The following BBS9 variants were observed in gnomAD, a reference collection of about 807,000 sequenced individuals.
BBS9 encodes the protein protein PTHB1.
BBS9 carries 89 observed loss-of-function variants against 117.7 expected under a neutral mutation model. The observed-to-expected ratio is 0.76, with a 90% CI of 0.64 to 0.90. The LOEUF (loss-of-function observed/expected upper bound fraction) is 0.90. Ranked by LOEUF, BBS9 falls within the 40% of genes least tolerant of loss-of-function variation. The probability of loss-of-function intolerance (pLI) is 0.00; values close to 1 mark genes in which losing one functional copy is unlikely to be tolerated. For missense variants in BBS9, 982 were observed against 1,042.2 expected, an observed-to-expected ratio of 0.94 and a Z score of 0.80; for synonymous variants, 379 against 370.9, an observed-to-expected ratio of 1.02 and a Z score of -0.25.
intron 19 of BBS9, among the ~76,000 whole-genome samples, chr7:33,405,978 AT>A: frequency 6.6e-6 from 1 of 151,972 alleles, no homozygotes; most frequent in Admixed American, 6.5e-5. Context: ...TCTTGTGGGC[AT>A]TTAGTGCTAT....
chr7:33,506,154 G>A (rs1044054017), intron 20 of BBS9, among the ~76,000 whole-genome samples: 3 of 152,130 alleles, frequency 2.0e-5, no homozygotes, highest in African/African-American at 7.2e-5. Context: ...CCTAGCATAG[G>A]CAGTTTAGAA....
intron 21 of BBS9, among the ~76,000 whole-genome samples, chr7:33,535,841 G>A (rs1585165990): frequency 6.6e-6 from 1 of 152,050 alleles, no homozygotes; most frequent in African/African-American, 2.4e-5. Context: ...GGATGGGATG[G>A]CCCATCTGAT....
intron 19 of BBS9, among the ~76,000 whole-genome samples, chr7:33,476,911 A>G (rs73317065): frequency 0.11 from 16,809 of 152,230 alleles, 968 homozygotes; most frequent in South Asian, 0.18. Context: ...TTGATATCAG[A>G]TATCTTGTTA....
chr7:33,294,022 T>C (rs1457523134), intron 9 of BBS9, among the ~76,000 whole-genome samples: 1 of 152,096 alleles, frequency 6.6e-6, no homozygotes, highest in Non-Finnish European at 1.5e-5. Context: ...TCCATTTCTC[T>C]CAGAAGAGCC....
chr7:33,134,400 A>G (rs916936774), intron 1 of BBS9, among the ~76,000 whole-genome samples: 1 of 151,458 alleles, frequency 6.6e-6, no homozygotes, highest in Non-Finnish European at 1.5e-5. Context: ...GGCCATTTGT[A>G]TATCTTACTT....
At chr7:33,512,414 T>TA (rs1014406372) in intron 20 of BBS9, among the ~76,000 whole-genome samples, 1 of 152,154 alleles carries the variant, frequency 6.6e-6, no homozygotes, top group Non-Finnish European at 1.5e-5. Flanking sequence ...ATAAGGAGAC[T>TA]AAAAAAACAA....
intron 19 of BBS9, among the ~76,000 whole-genome samples, chr7:33,445,776 G>T (rs1836903858): frequency 6.6e-6 from 1 of 152,164 alleles, no homozygotes; most frequent in Admixed American, 6.5e-5. Context: ...TCTCGTGATA[G>T]TAAGTTCTCA....
At chr7:33,319,077 C>T (rs1009324652) in intron 9 of BBS9, among the ~76,000 whole-genome samples, 5 of 151,668 alleles carry the variant, frequency 3.3e-5, no homozygotes, top group Admixed American at 1.3e-4. Flanking sequence ...GCAGGAGAAT[C>T]GCTTGAACCT....
In BBS9 at chr7:33,273,974, A is replaced by T; in HGVS notation, c.1016+18A>T. ...TGTTTGCAGTAAGTGATTTAATTTA[A>T]CACAGTTTTTAAAGAGGATGTTAGT... On this transcript the variant is annotated intron_variant, in intron 9 of 22. Transcript: ENST00000242067. 1 of 1,613,148 alleles carries T rather than the reference A, an allele frequency of 6.2e-7. No individual in the cohort carries two copies. Among genetic ancestry groups the T allele is most frequent in the Non-Finnish European group, 8.5e-7 (1 of 1,179,306 alleles).
At chr7:33,476,582 C>G (rs1584959070) in intron 19 of BBS9, among the ~76,000 whole-genome samples, 1 of 152,302 alleles carries the variant, frequency 6.6e-6, no homozygotes, top group Non-Finnish European at 1.5e-5. Flanking sequence ...CCCAGTATCC[C>G]TCCAGCCTGA....
At chr7:33,515,140 C>G in intron 20 of BBS9, among the ~76,000 whole-genome samples, 1 of 152,170 alleles carries the variant, frequency 6.6e-6, no homozygotes. Context: ...CAGACACTGC[C>G]AATTAAACTA....
intron 19 of BBS9, among the ~76,000 whole-genome samples, chr7:33,478,056 A>T (rs947454601): frequency 6.6e-6 from 1 of 152,126 alleles, no homozygotes; most frequent in Non-Finnish European, 1.5e-5. Context: ...TCTTGCTACA[A>T]GGAAGTAGGT....
chr7:33,522,634 A>G (rs1202755407), intron 20 of BBS9, among the ~76,000 whole-genome samples: 1 of 151,534 alleles, frequency 6.6e-6, no homozygotes, highest in East Asian at 1.9e-4. Flanking sequence ...TTCATTGTAG[A>G]TTCTGGATAT....
rs1489293977 is a variant in BBS9 at position 33,505,916 on chromosome 7, C to T, written c.2298+271C>T. On this transcript the variant is annotated intron_variant, in intron 20 of 22. Coordinates refer to ENST00000242067, the MANE Select transcript of BBS9 (RefSeq NM_198428.3). Reference sequence around the variant, plus strand: ...TTCAATCACTTAGAAGCCAGGGAAACAGTCATTTGACAGTCTAGATGACAG... The same window carrying T: ...TTCAATCACTTAGAAGCCAGGGAAATAGTCATTTGACAGTCTAGATGACAG... 2.0e-5 allele frequency among the ~76,000 whole-genome samples: 3 copies of T among 152,198 alleles called. No individual in the cohort carries two copies. The East Asian group carries it at 5.8e-4, about 29-fold the overall frequency.
chr7:33,633,510 CTTTTTTT>C (rs894796851), intron 21 of BBS9, among the ~76,000 whole-genome samples: 1 of 98,462 alleles, frequency 1.0e-5, no homozygotes, highest in Non-Finnish European at 2.1e-5. Context: ...TAACTTTTTT[CTTTTTTT>C]TTTTTTTTTT....
chr7:33,410,343 G>A (rs918453343), intron 19 of BBS9, among the ~76,000 whole-genome samples: 3 of 152,222 alleles, frequency 2.0e-5, no homozygotes, highest in Non-Finnish European at 1.5e-5. Flanking sequence ...AGGAAGCTTA[G>A]CCTCATCAGA....
chr7:33,592,604 C>T (rs1862115426), intron 21 of BBS9, among the ~76,000 whole-genome samples: 1 of 152,066 alleles, frequency 6.6e-6, no homozygotes, highest in African/African-American at 2.4e-5. Context: ...AAAACAGGCA[C>T]ACTCCAGAGC....
chr7:33,224,381 G>A (rs1790842632), intron 5 of BBS9, among the ~76,000 whole-genome samples: 1 of 152,152 alleles, frequency 6.6e-6, no homozygotes, highest in Non-Finnish European at 1.5e-5. Flanking sequence ...TTCTATATCT[G>A]TCTGTTGTGT....
At chr7:33,357,592 T>C in intron 15 of BBS9, 1 of 495,040 alleles carries the variant, frequency 2.0e-6, no homozygotes, top group Admixed American at 3.2e-5. Flanking sequence ...CCAAATGTGA[T>C]GATTTTAAAA....
Sources: allele counts gnomAD v4.1 joint callset (sites outside exome capture counted in the v4.1 genomes callset), GRCh38; gene constraint gnomAD v4.1.1; transcripts MANE v1.5; gene names NCBI Gene and HGNC (gene_info 2026-07-23, HGNC 2026-07-21).